The following TBPL2 variants were observed in gnomAD, a reference collection of about 807,000 sequenced individuals.
TBPL2 encodes the protein TATA box-binding protein-like 2.
A neutral mutation model predicts 38.2 loss-of-function variants in TBPL2; 40 were observed. That is an observed-to-expected ratio of 1.05 (90% CI 0.81 to 1.36). The LOEUF is 1.36. Among genes scored for constraint, TBPL2 ranks in the 40% most tolerant of loss-of-function variants. The pLI, the probability that TBPL2 is intolerant of heterozygous loss-of-function variation, is 0.00. For synonymous variants in TBPL2, 169 were observed against 171.7 expected (o/e 0.98, Z 0.12); for missense variants, 461 against 456.7 (o/e 1.01, Z -0.09).
At chr14:55,434,838 G>A (rs1279054660) in intron 3 of TBPL2, among the ~76,000 whole-genome samples, 1 of 152,202 alleles carries the variant, frequency 6.6e-6, no homozygotes. Context: ...GGGTTCCTAC[G>A]AATGTGACCT....
rs765904853 is a variant in TBPL2 at position 55,424,250 on chromosome 14, G to T, written c.960C>A (p.Tyr320Ter). Reference sequence around the variant, plus strand: ...TAAGACCAGGAAACAGTTCAGGCTCGTAACTGTTAAGATGTAAAAGGAAAA... The same window carrying T: ...TAAGACCAGGAAACAGTTCAGGCTCTTAACTGTTAAGATGTAAAAGGAAAA... The change falls in exon 6 of 7, where the codon TAC becomes TAA. Residue 320 changes from tyrosine (Y) to a stop codon, truncating the protein, a stop_gained. Coordinates refer to ENST00000247219, the Ensembl canonical transcript of TBPL2. LOFTEE classifies it high-confidence loss of function. The T allele has an allele frequency of 6.2e-7, 1 of 1,604,764 alleles. No homozygotes were observed. The highest frequency in any genetic ancestry group is 1.3e-5 in the African/African-American group (1 of 74,732).
At chr14:55,418,402 G>A (rs1042411341) in intron 6 of TBPL2, among the ~76,000 whole-genome samples, 1 of 152,176 alleles carries the variant, frequency 6.6e-6, no homozygotes, top group African/African-American at 2.4e-5. Flanking sequence ...CTTACATCAA[G>A]TCATAACTGC....
intron 6 of TBPL2, among the ~76,000 whole-genome samples, chr14:55,422,569 A>T (rs886514515): frequency 2.2e-4 from 33 of 152,126 alleles, no homozygotes; most frequent in African/African-American, 7.7e-4. Flanking sequence ...AACTTTCTGT[A>T]GGTGGGGCAC....
intron 6 of TBPL2, among the ~76,000 whole-genome samples, chr14:55,418,899 A>C (rs1885705638): frequency 6.6e-6 from 1 of 152,126 alleles, no homozygotes; most frequent in Admixed American, 6.5e-5. Flanking sequence ...TCCTTACAAC[A>C]CTTAGGTAGA....
chr14:55,428,512 T>C (rs1885869199), intron 5 of TBPL2, among the ~76,000 whole-genome samples: 1 of 152,144 alleles, frequency 6.6e-6, no homozygotes, highest in Non-Finnish European at 1.5e-5. Flanking sequence ...TTTGAGCTTT[T>C]TAGAAACACA....
intron 6 of TBPL2, among the ~76,000 whole-genome samples, chr14:55,420,032 T>G (rs1467268206): frequency 6.6e-6 from 1 of 152,244 alleles, no homozygotes; most frequent in African/African-American, 2.4e-5. Context: ...GTTCCTTTCC[T>G]GAGGTGTTCA....
intron 5 of TBPL2, 82 bp from the exon 6 acceptor site, chr14:55,424,335 G>T: frequency 2.4e-6 from 2 of 838,694 alleles, no homozygotes; most frequent in Non-Finnish European, 3.8e-6. Flanking sequence ...GTATATTAAA[G>T]TGCATATTAA....
Position 55,428,913 on chromosome 14 carries a change from G to A in TBPL2, c.850C>T (p.Pro284Ser), listed in dbSNP as rs1032106030. The A allele has an allele frequency of 6.2e-7, 1 of 1,614,114 alleles. No homozygotes were observed. Among genetic ancestry groups the A allele is most frequent in the South Asian group, 1.1e-5 (1 of 91,086 alleles). Reference sequence around the variant, plus strand: ...ATTTTAAAATCGAGGAATCTGGCAGGGAACCCAAGCTTCTGCACCACACGA... The same window carrying A: ...ATTTTAAAATCGAGGAATCTGGCAGAGAACCCAAGCTTCTGCACCACACGA... The change falls in exon 5 of 7, where the codon CCT becomes TCT. Residue 284 changes from proline (P) to serine (S), a missense_variant. By Grantham distance (74) the Pro-to-Ser change is moderately conservative. Coordinates refer to ENST00000247219, the Ensembl canonical transcript of TBPL2.
At chr14:55,415,406 T>TA (rs1327252428) in intron 6 of TBPL2, among the ~76,000 whole-genome samples, 1 of 152,156 alleles carries the variant, frequency 6.6e-6, no homozygotes, top group Non-Finnish European at 1.5e-5. Flanking sequence ...GTTCGGTGGT[T>TA]AAGTTAAAGA....
chr14:55,439,372 G>T (rs1886068439), intron 1 of TBPL2, among the ~76,000 whole-genome samples: 1 of 151,914 alleles, frequency 6.6e-6, no homozygotes, highest in South Asian at 2.1e-4. Flanking sequence ...CTAGAGGGAG[G>T]CCTAGTACTG....
intron 5 of TBPL2, among the ~76,000 whole-genome samples, chr14:55,427,894 T>A (rs913713468): frequency 1.3e-5 from 2 of 150,364 alleles, no homozygotes; most frequent in African/African-American, 4.9e-5. Context: ...TTTTTTTTTT[T>A]TTTTGAGACG....
At chr14:55,440,397 T>C in exon 1 of TBPL2, 1 of 1,612,810 alleles carries the variant, frequency 6.2e-7, no homozygotes, top group Non-Finnish European at 8.5e-7. Flanking sequence ...CAGCCTCACC[T>C]GAGCGGCGCA....
At chr14:55,430,314 C>T (rs2140174675) in intron 4 of TBPL2, among the ~76,000 whole-genome samples, 1 of 150,756 alleles carries the variant, frequency 6.6e-6, no homozygotes, top group Admixed American at 6.6e-5. Context: ...TTATCCAGAT[C>T]CTTCACCAAC....
Position 55,436,184 on chromosome 14 carries a change from C to A in TBPL2, c.609-250G>T, listed in dbSNP as rs529011444. Among the ~76,000 whole-genome samples the A allele has an allele frequency of 1.1e-3, 164 of 152,174 alleles. 1 individual carries two copies. The highest frequency in any genetic ancestry group is 3.7e-3 in the African/African-American group (153 of 41,522). On this transcript the variant is annotated intron_variant, in intron 2 of 6. Transcript: ENST00000247219. ...TTTTAGATCTTTTTTCAAAACAATGCCTCAAAATAGAAATTACAATTCTGA... is the reference window on the plus strand; with the variant it reads ...TTTTAGATCTTTTTTCAAAACAATGACTCAAAATAGAAATTACAATTCTGA...
exon 5 of TBPL2, chr14:55,428,970 C>T: frequency 6.2e-7 from 1 of 1,614,016 alleles, no homozygotes; most frequent in Non-Finnish European, 8.5e-7. Context: ...CGAGACTGCT[C>T]TTCACTGGGG....
intron 3 of TBPL2, among the ~76,000 whole-genome samples, 158 bp from the exon 4 acceptor site, chr14:55,433,879 T>C (rs1885973736): frequency 6.6e-6 from 1 of 152,212 alleles, no homozygotes. Context: ...AAAATAATGA[T>C]GATTCTAAAA....
chr14:55,440,465 T>C (rs1594796026), exon 1 of TBPL2: 2 of 1,611,302 alleles, frequency 1.2e-6, no homozygotes, highest in South Asian at 1.1e-5. Flanking sequence ...GTAATCCCAC[T>C]GTTGGGGGTG....
intron 4 of TBPL2, among the ~76,000 whole-genome samples, chr14:55,433,355 G>A (rs944374962): frequency 8.0e-6 from 1 of 124,994 alleles, no homozygotes; most frequent in Non-Finnish European, 1.6e-5. Context: ...GTCTCACTGT[G>A]TTGCCCAGGC....
At chr14:55,427,524 A>G (rs1052244301) in intron 5 of TBPL2, among the ~76,000 whole-genome samples, 3 of 152,204 alleles carry the variant, frequency 2.0e-5, no homozygotes, top group Non-Finnish European at 4.4e-5. Flanking sequence ...CCAAGAGAAG[A>G]TAAGGCGTTG....
Sources: gnomAD v4.1 joint callset for allele counts (sites outside exome capture counted in the v4.1 genomes callset) on GRCh38, gnomAD v4.1.1 for gene constraint, MANE v1.5 for transcripts, NCBI Gene and HGNC (gene_info 2026-07-23, HGNC 2026-07-21) for gene names.